NCOA1: variants seen among roughly 807,000 people sequenced by gnomAD.
NCOA1 encodes nuclear receptor coactivator 1.
Under a neutral mutation model 150.9 loss-of-function variants are expected in NCOA1, and 35 were observed. The ratio of observed to expected loss-of-function variants is 0.23; its 90% CI spans 0.18 to 0.31. NCOA1 has a LOEUF of 0.31. NCOA1 is among the 10% of genes least tolerant of loss of function. The probability of loss-of-function intolerance (pLI) is 1.00; values close to 1 mark genes in which losing one functional copy is unlikely to be tolerated. For missense variants in NCOA1, 1,491 were observed against 1,749.3 expected (o/e 0.85, Z 2.63); for synonymous variants, 590 against 630.0 (o/e 0.94, Z 0.95).
intron 1 of NCOA1, among the ~76,000 whole-genome samples, chr2:24,559,814 A>T (rs1666224814): frequency 6.6e-6 from 1 of 152,088 alleles, no homozygotes; most frequent in African/African-American, 2.4e-5. Context: ...CTCTCCTAGC[A>T]ACATTGTATC....
intron 1 of NCOA1, among the ~76,000 whole-genome samples, chr2:24,561,853 T>TTA (rs1226302702): frequency 6.6e-6 from 1 of 152,150 alleles, no homozygotes; most frequent in Non-Finnish European, 1.5e-5. Flanking sequence ...CTTAAATAGA[T>TTA]TATAGCTCAG....
At chr2:24,631,157 T>G (rs1240552420) in intron 3 of NCOA1, among the ~76,000 whole-genome samples, 1 of 152,150 alleles carries the variant, frequency 6.6e-6, no homozygotes, top group Non-Finnish European at 1.5e-5. Context: ...TGGGGTAAAA[T>G]TAACAAGTAT....
intron 1 of NCOA1, among the ~76,000 whole-genome samples, chr2:24,530,050 A>T (rs1572387340): frequency 6.6e-6 from 1 of 152,242 alleles, no homozygotes; most frequent in South Asian, 2.1e-4. Context: ...CAGATTAAAG[A>T]TTGCAAAGTG....
intron 21 of NCOA1, among the ~76,000 whole-genome samples, chr2:24,759,170 GA>G (rs1447470557): frequency 6.6e-6 from 1 of 152,168 alleles, no homozygotes; most frequent in Non-Finnish European, 1.5e-5. Flanking sequence ...GACACAACAT[GA>G]ACAAAGGATC....
chr2:24,635,796 A>G (rs950355374), intron 3 of NCOA1, among the ~76,000 whole-genome samples: 4 of 152,242 alleles, frequency 2.6e-5, no homozygotes, highest in African/African-American at 9.6e-5. Flanking sequence ...CCTTTCTTTA[A>G]TAGTTTAACT....
intron 1 of NCOA1, among the ~76,000 whole-genome samples, chr2:24,521,837 A>G (rs1664429398): frequency 6.6e-6 from 1 of 152,098 alleles, no homozygotes; most frequent in Non-Finnish European, 1.5e-5. Context: ...ACCAATTTAC[A>G]TTCTCACCAA....
At chr2:24,570,350 A>T (rs1357906652) in intron 2 of NCOA1, among the ~76,000 whole-genome samples, 1 of 152,184 alleles carries the variant, frequency 6.6e-6, no homozygotes. Context: ...GCTTAATTGA[A>T]TGGGCTCTGG....
chr2:24,690,245 A>T (rs1293367461), intron 8 of NCOA1, among the ~76,000 whole-genome samples: 2 of 152,120 alleles, frequency 1.3e-5, no homozygotes, highest in Non-Finnish European at 2.9e-5. Flanking sequence ...AGGACTTCTT[A>T]CTCCAGTATA....
intron 5 of NCOA1, among the ~76,000 whole-genome samples, chr2:24,662,928 C>T (rs1291295351): frequency 6.6e-6 from 1 of 151,806 alleles, no homozygotes; most frequent in African/African-American, 2.4e-5. Context: ...ACTAGGACTA[C>T]AGGCGCACAC....
intron 22 of NCOA1, among the ~76,000 whole-genome samples, chr2:24,763,666 G>T (rs1664908010): frequency 7.7e-6 from 1 of 130,250 alleles, no homozygotes; most frequent in South Asian, 2.6e-4. Context: ...TTTTGCCCAG[G>T]CTGGAGTGAA....
At chr2:24,748,866 A>T (rs1368133625) in intron 19 of NCOA1, among the ~76,000 whole-genome samples, 1 of 152,102 alleles carries the variant, frequency 6.6e-6, no homozygotes, top group Non-Finnish European at 1.5e-5. Flanking sequence ...TTGTGATGTA[A>T]TGTTGAGGGA....
intron 1 of NCOA1, among the ~76,000 whole-genome samples, chr2:24,513,392 T>C (rs568022344): frequency 5.3e-5 from 8 of 152,224 alleles, no homozygotes; most frequent in Non-Finnish European, 8.8e-5. Flanking sequence ...GCTCTTGCAG[T>C]ACCCTTTTTT....
At chr2:24,624,060 C>T (rs957310040) in intron 3 of NCOA1, among the ~76,000 whole-genome samples, 25 of 152,244 alleles carry the variant, frequency 1.6e-4, no homozygotes, top group African/African-American at 4.8e-4. Flanking sequence ...TAGACATTCT[C>T]ACCAATAGTG....
intron 2 of NCOA1, among the ~76,000 whole-genome samples, chr2:24,579,760 T>G (rs575203822): frequency 2.0e-5 from 3 of 152,276 alleles, no homozygotes; most frequent in Non-Finnish European, 2.9e-5. Context: ...GTAAACACCC[T>G]AGGTTGAACA....
chr2:24,535,852 G>A (rs11902506), intron 1 of NCOA1, among the ~76,000 whole-genome samples: 42,652 of 151,932 alleles, frequency 0.28, 6,224 homozygotes, highest in East Asian at 0.42. Flanking sequence ...TTTGTGGGTA[G>A]CCCGACCTTT....
chr2:24,503,775 G>A (rs187044816), intron 1 of NCOA1, among the ~76,000 whole-genome samples: 16 of 140,556 alleles, frequency 1.1e-4, no homozygotes, highest in East Asian at 2.0e-4. Flanking sequence ...TTGCTCTGTC[G>A]TCCAGGCTGG....
At chr2:24,505,016 G>GACTA (rs1663629214) in intron 1 of NCOA1, among the ~76,000 whole-genome samples, 1 of 151,930 alleles carries the variant, frequency 6.6e-6, no homozygotes, top group Non-Finnish European at 1.5e-5. Flanking sequence ...TTGGGTGGTG[G>GACTA]TTAAAATAGT....
intron 3 of NCOA1, among the ~76,000 whole-genome samples, chr2:24,606,234 A>G (rs1052460720): frequency 1.2e-4 from 18 of 150,946 alleles, no homozygotes; most frequent in African/African-American, 4.1e-4. Context: ...TTTTATCATT[A>G]TTGTTATTAT....
At chr2:24,635,673 TAATC>T (rs1310578373) in intron 3 of NCOA1, among the ~76,000 whole-genome samples, 2 of 152,106 alleles carry the variant, frequency 1.3e-5, no homozygotes, top group Non-Finnish European at 2.9e-5. Flanking sequence ...TACAAAGTAA[TAATC>T]AAAAGGAATC....
Sources: gnomAD v4.1 joint callset for allele counts (sites outside exome capture counted in the v4.1 genomes callset) on GRCh38, gnomAD v4.1.1 for gene constraint, MANE v1.5 for transcripts, NCBI Gene and HGNC (gene_info 2026-07-23, HGNC 2026-07-21) for gene names.